PTPRK: variants seen among roughly 807,000 people sequenced by gnomAD.
PTPRK encodes the protein receptor-type tyrosine-protein phosphatase kappa.
A neutral mutation model predicts 178.0 loss-of-function variants in PTPRK; 75 were observed. The ratio of observed to expected loss-of-function variants is 0.42; its 90% confidence interval spans 0.35 to 0.51. The LOEUF is 0.51. Among genes scored for constraint, PTPRK ranks in the 20% least tolerant of loss-of-function variants. The probability of loss-of-function intolerance (pLI) is 0.02; values close to 1 mark genes in which losing one functional copy is unlikely to be tolerated. For missense variants in PTPRK, 1,441 were observed against 1,797.8 expected (o/e 0.80, Z 3.59); for synonymous variants, 637 against 620.6 (o/e 1.03, Z -0.39).
intron 3 of PTPRK, among the ~76,000 whole-genome samples, chr6:128,249,442 T>C (rs1036964407): frequency 3.3e-5 from 5 of 152,104 alleles, no homozygotes; most frequent in African/African-American, 1.2e-4. Context: ...CATTTGATGA[T>C]AAGCAAGTTG....
intron 5 of PTPRK, among the ~76,000 whole-genome samples, chr6:128,233,442 T>C (rs916446822): frequency 2.0e-5 from 3 of 152,222 alleles, no homozygotes; most frequent in Non-Finnish European, 2.9e-5. Context: ...CCGCTTTCAC[T>C]GCCCCTTCAC....
chr6:128,411,859 T>C (rs1842346052), intron 1 of PTPRK, among the ~76,000 whole-genome samples: 2 of 152,214 alleles, frequency 1.3e-5, no homozygotes, highest in African/African-American at 2.4e-5. Flanking sequence ...ATTTCTAGCC[T>C]TTCCCACATT....
chr6:128,166,809 A>G lies in PTPRK; in HGVS notation c.1162+17623T>C, dbSNP rs1799473367. On this transcript the variant is annotated intron_variant, in intron 7 of 29. Transcript: ENST00000368226. Reference sequence around the variant, plus strand: ...TGTTAAATCTTTTTGTGCTTTAGTAAATAACTTAGAATTATTCTTGAAATT... The same window carrying G: ...TGTTAAATCTTTTTGTGCTTTAGTAGATAACTTAGAATTATTCTTGAAATT... 2.6e-5 allele frequency among the ~76,000 whole-genome samples: 4 copies of G among 151,898 alleles called. No homozygotes were observed. The South Asian group carries it at 8.3e-4, about 32-fold the overall frequency.
At chr6:128,386,288 T>G (rs1389647952) in intron 2 of PTPRK, among the ~76,000 whole-genome samples, 2 of 152,154 alleles carry the variant, frequency 1.3e-5, no homozygotes, top group East Asian at 3.9e-4. Flanking sequence ...AAGAAGAACT[T>G]TTTTACTAAA....
At chr6:128,409,385 A>T in intron 1 of PTPRK, 1 of 436,588 alleles carries the variant, frequency 2.3e-6, no homozygotes, top group South Asian at 1.7e-5. Flanking sequence ...AGGTAGACAC[A>T]TCATAAGTAT....
chr6:128,133,783 G>A (rs1269201134), intron 7 of PTPRK, among the ~76,000 whole-genome samples: 1 of 151,450 alleles, frequency 6.6e-6, no homozygotes, highest in Non-Finnish European at 1.5e-5. Context: ...GAACTCTTGG[G>A]CTCAAGTGAT....
At chr6:128,329,152 G>A (rs886755695) in intron 2 of PTPRK, among the ~76,000 whole-genome samples, 7 of 151,920 alleles carry the variant, frequency 4.6e-5, no homozygotes, top group African/African-American at 7.3e-5. Flanking sequence ...TCTTTTTATC[G>A]CTCTGCTCTA....
At chr6:128,279,107 T>G (rs151092932) in intron 3 of PTPRK, among the ~76,000 whole-genome samples, 1 of 151,864 alleles carries the variant, frequency 6.6e-6, no homozygotes, top group Non-Finnish European at 1.5e-5. Flanking sequence ...TAAGCACTTA[T>G]GTAGAGGCTC....
chr6:128,045,992 AT>A (rs954437518), intron 13 of PTPRK, among the ~76,000 whole-genome samples: 3 of 152,262 alleles, frequency 2.0e-5, no homozygotes, highest in African/African-American at 7.2e-5. Context: ...TTAGCTGTTA[AT>A]TTTTTAGTAC....
Position 128,064,776 on chromosome 6 carries a change from C to A in PTPRK, c.2176G>T (p.Val726Leu), listed in dbSNP as rs762251977. 1.9e-6 allele frequency: 3 copies of A among 1,586,490 alleles called. No individual in the cohort carries two copies. The highest frequency in any genetic ancestry group is 2.3e-5 in the East Asian group (1 of 43,778). Residue 726 changes from valine to leucine, a missense_variant, in exon 13 of 30, where the codon GTA (valine) becomes TTA (leucine). Coordinates refer to ENST00000368226, the MANE Select transcript of PTPRK (RefSeq NM_002844.4). ...SVEKETKTQC[V>L]RIATKAAATE... ...CTCTTACCTTTTGTAGCAATGCGTA[C>A]GCACTGGGTTTTAGTTTCCTGATAG...
chr6:128,157,506 A>T (rs1490289734), intron 7 of PTPRK, among the ~76,000 whole-genome samples: 1 of 152,120 alleles, frequency 6.6e-6, no homozygotes, highest in East Asian at 1.9e-4. Context: ...GGATTATTAT[A>T]CAGCTTGTGA....
At chr6:128,520,035 C>A (rs1858782882) in intron 1 of PTPRK, among the ~76,000 whole-genome samples, 1 of 152,186 alleles carries the variant, frequency 6.6e-6, no homozygotes, top group Admixed American at 6.5e-5. Flanking sequence ...CCGGCTAGAC[C>A]GTGCCAGCCT....
At chr6:128,214,435 C>A (rs1808840845) in intron 6 of PTPRK, among the ~76,000 whole-genome samples, 1 of 152,076 alleles carries the variant, frequency 6.6e-6, no homozygotes, top group Non-Finnish European at 1.5e-5. Context: ...ACTATCTTAT[C>A]TGAATAAAAT....
At chr6:128,375,744 A>T (rs1836983331) in intron 2 of PTPRK, among the ~76,000 whole-genome samples, 1 of 152,194 alleles carries the variant, frequency 6.6e-6, no homozygotes, top group Admixed American at 6.5e-5. Flanking sequence ...CTGTAAAATC[A>T]AAAGCAAGTT....
chr6:128,280,744 C>T (rs1821538112), intron 3 of PTPRK, among the ~76,000 whole-genome samples: 1 of 151,934 alleles, frequency 6.6e-6, no homozygotes, highest in Non-Finnish European at 1.5e-5. Flanking sequence ...AGTGGGAAAA[C>T]ATATTCAATT....
chr6:128,375,805 T>G (rs534958276), intron 2 of PTPRK, among the ~76,000 whole-genome samples: 1 of 152,280 alleles, frequency 6.6e-6, no homozygotes, highest in South Asian at 2.1e-4. Context: ...AATACAGCCC[T>G]TCCAAATAGG....
At chr6:128,459,520 A>C (rs6921395) in intron 1 of PTPRK, among the ~76,000 whole-genome samples, 38,327 of 152,050 alleles carry the variant, frequency 0.25, 5,261 homozygotes, top group African/African-American at 0.34. Flanking sequence ...TCCACAGCAA[A>C]TACAAATGGA....
chr6:128,481,266 G>C (rs1379767941), intron 1 of PTPRK, among the ~76,000 whole-genome samples: 1 of 151,986 alleles, frequency 6.6e-6, no homozygotes, highest in Non-Finnish European at 1.5e-5. Flanking sequence ...AATTATTTAG[G>C]TTCAACTGTT....
intron 15 of PTPRK, chr6:128,000,443 G>C (rs1189348539): frequency 1.6e-6 from 1 of 627,718 alleles, no homozygotes; most frequent in Non-Finnish European, 2.1e-6. Context: ...TCTTTTTGTA[G>C]CATTCATTCC....
Sources: allele counts gnomAD v4.1 joint callset (sites outside exome capture counted in the v4.1 genomes callset), GRCh38; gene constraint gnomAD v4.1.1; transcripts MANE v1.5; gene names NCBI Gene and HGNC (gene_info 2026-07-23, HGNC 2026-07-21).